Variants in ITK observed in about 807,000 individuals in gnomAD.
ITK encodes tyrosine-protein kinase ITK/TSK.
In ITK, 45 loss-of-function variants were observed where a neutral mutation model predicts 87.6. The observed-to-expected ratio is 0.51, with a 90% CI of 0.40 to 0.66. The LOEUF (loss-of-function observed/expected upper bound fraction) is 0.66. ITK is among the 30% of genes least tolerant of loss of function. ITK has a pLI of 0.00. For synonymous variants in ITK, 303 were observed against 273.6 expected, an observed-to-expected ratio of 1.11 and a Z score of -1.06; for missense variants, 605 against 766.3, an observed-to-expected ratio of 0.79 and a Z score of 2.48.
chr5:157,193,611 A>T (rs1216033996), intron 1 of ITK, among the ~76,000 whole-genome samples: 1 of 152,198 alleles, frequency 6.6e-6, no homozygotes, highest in Non-Finnish European at 1.5e-5. Context: ...GTTTATAGAA[A>T]CTAAGTATCT....
At chr5:157,243,911 G>T in intron 12 of ITK, 117 bp downstream of exon 12, 1 of 907,686 alleles carries the variant, frequency 1.1e-6, no homozygotes, top group Non-Finnish European at 1.8e-6. Flanking sequence ...CCCAGCAGTG[G>T]CTTCCTATTG....
Position 157,245,705 on chromosome 5 carries a change from G to A in ITK, c.1450-21G>A, listed in dbSNP as rs759508920. 2.5e-6 allele frequency: 4 copies of A among 1,611,032 alleles called. No individual in the cohort carries two copies. The South Asian group carries it at 4.4e-5, about 18-fold the overall frequency. On this transcript the variant is annotated intron_variant, in intron 13 of 16. Coordinates refer to ENST00000422843, the MANE Select transcript of ITK (RefSeq NM_005546.4). ...ATCAACAGTTTTCCTCTCCGCCTTT[G>A]TTTGCCTGTCTCCTCTCCAGGCTGC...
intron 1 of ITK, among the ~76,000 whole-genome samples, chr5:157,206,253 C>G (rs1278557225): frequency 1.3e-5 from 2 of 152,142 alleles, no homozygotes; most frequent in African/African-American, 2.4e-5. Context: ...CCACGCCTGG[C>G]TGGATTAGCT....
At chr5:157,245,698 C>T (rs757925629) in intron 13 of ITK, 28 bp from the exon 14 acceptor site, 29 of 1,601,574 alleles carry the variant, frequency 1.8e-5, no homozygotes, top group Middle Eastern at 1.7e-4. Context: ...TTTTCCTCTC[C>T]GCCTTTGTTT....
chr5:157,201,995 C>T (rs1297549798), intron 1 of ITK, among the ~76,000 whole-genome samples: 3 of 152,164 alleles, frequency 2.0e-5, no homozygotes, highest in African/African-American at 4.8e-5. Flanking sequence ...CCTCCACCCT[C>T]GAGTAGGTGC....
rs1469119586 is a variant in ITK, at chr5:157,186,681, A to AG, written c.138+5566_138+5567insG. ...ACAAGAGTGAAACTCCGTCTCAAAAAAAGAGAGAGAGAGAGAGAGAGAGAG... is the reference window on the plus strand; with the variant it reads ...ACAAGAGTGAAACTCCGTCTCAAAAAGAAGAGAGAGAGAGAGAGAGAGAGAG... On this transcript the variant is annotated intron_variant, in intron 1 of 16. Coordinates refer to ENST00000422843, the MANE Select transcript of ITK (RefSeq NM_005546.4). Among the ~76,000 whole-genome samples, 502 of 107,962 alleles carry AG rather than the reference A, an allele frequency of 4.6e-3. 5 individuals carry two copies. The highest frequency in any genetic ancestry group is 0.017 in the African/African-American group (473 of 27,960). The allele number at this position is 107,962 out of a possible 152,430, so 70.8% of individuals were successfully genotyped here.
intron 1 of ITK, among the ~76,000 whole-genome samples, chr5:157,187,203 G>A (rs2113736685): frequency 6.6e-6 from 1 of 152,336 alleles, no homozygotes; most frequent in East Asian, 1.9e-4. Flanking sequence ...ACATGCTGAA[G>A]TTGTAACTAC....
At chr5:157,244,108 T>C (rs1754970846) in intron 12 of ITK, 154 bp from the exon 13 acceptor site, 3 of 751,916 alleles carry the variant, frequency 4.0e-6, no homozygotes, top group Middle Eastern at 3.5e-4. Flanking sequence ...TCAGCTCCAA[T>C]GACATGTTTT....
intron 6 of ITK, among the ~76,000 whole-genome samples, chr5:157,224,043 G>A (rs945738746): frequency 6.6e-6 from 1 of 152,082 alleles, no homozygotes; most frequent in Non-Finnish European, 1.5e-5. Flanking sequence ...CAGCAGTTTG[G>A]GAGGCCAAGG....
rs188066456 is a variant in ITK at position 157,193,017 on chromosome 5, A to G, written c.138+11902A>G. 1.1e-3 allele frequency among the ~76,000 whole-genome samples: 173 copies of G among 152,258 alleles called. 1 individual carries two copies. Among genetic ancestry groups the G allele is most frequent in the African/African-American group, 4.0e-3 (167 of 41,542 alleles). On this transcript the variant is annotated intron_variant, in intron 1 of 16. Coordinates refer to ENST00000422843, the MANE Select transcript of ITK (RefSeq NM_005546.4). ...GATCTCTTGACGGCACGAGTTTGAGACCAGCCTGGGTAACATAGTGAGATC... is the reference window on the plus strand; with the variant it reads ...GATCTCTTGACGGCACGAGTTTGAGGCCAGCCTGGGTAACATAGTGAGATC...
chr5:157,235,718 T>C (rs1300427647), intron 8 of ITK, among the ~76,000 whole-genome samples: 1 of 152,238 alleles, frequency 6.6e-6, no homozygotes, highest in Non-Finnish European at 1.5e-5. Flanking sequence ...AGAGACACTC[T>C]TAAAGTATAA....
chr5:157,239,992 A>C, intron 9 of ITK, 70 bp from the exon 10 acceptor site: 1 of 1,454,566 alleles, frequency 6.9e-7, no homozygotes, highest in Non-Finnish European at 9.6e-7. Flanking sequence ...AGAACTTAAT[A>C]CTCGTAGACT....
intron 1 of ITK, among the ~76,000 whole-genome samples, chr5:157,207,969 G>A (rs1398122675): frequency 6.6e-6 from 1 of 152,132 alleles, no homozygotes; most frequent in Non-Finnish European, 1.5e-5. Flanking sequence ...ATTCAGAATC[G>A]TGTCTTTTGG....
intron 1 of ITK, among the ~76,000 whole-genome samples, chr5:157,188,980 A>C (rs1158728838): frequency 6.6e-6 from 1 of 152,140 alleles, no homozygotes; most frequent in Non-Finnish European, 1.5e-5. Flanking sequence ...GGCACTGGTT[A>C]GTTGTAGTAG....
chr5:157,182,447 G>A (rs1753553574), intron 1 of ITK, among the ~76,000 whole-genome samples: 1 of 152,092 alleles, frequency 6.6e-6, no homozygotes, highest in Non-Finnish European at 1.5e-5. Flanking sequence ...AAACAAAAAA[G>A]TTGCAGGCGA....
At chr5:157,232,813 G>T (rs1469978975) in intron 8 of ITK, among the ~76,000 whole-genome samples, 2 of 152,180 alleles carry the variant, frequency 1.3e-5, no homozygotes, top group Non-Finnish European at 2.9e-5. Flanking sequence ...CATCATCACC[G>T]CTGCAGCAGT....
intron 4 of ITK, among the ~76,000 whole-genome samples, chr5:157,216,883 G>C (rs1434775278): frequency 6.6e-6 from 1 of 152,018 alleles, no homozygotes; most frequent in Non-Finnish European, 1.5e-5. Context: ...AGTCTGCACG[G>C]GACTGGGCTC....
At chr5:157,240,024 T>C in intron 9 of ITK, 38 bp from the exon 10 acceptor site, 1 of 1,601,860 alleles carries the variant, frequency 6.2e-7, no homozygotes, top group Non-Finnish European at 8.5e-7. Flanking sequence ...CAACATTGCT[T>C]CTTAATAATC....
At chr5:157,205,472 T>C (rs114207820) in intron 1 of ITK, among the ~76,000 whole-genome samples, 1 of 152,198 alleles carries the variant, frequency 6.6e-6, no homozygotes, top group African/African-American at 2.4e-5. Context: ...TTTTAAAAAC[T>C]TTTTTAAAAG....
Sources: gnomAD v4.1 joint callset for allele counts (sites outside exome capture counted in the v4.1 genomes callset) on GRCh38, gnomAD v4.1.1 for gene constraint, MANE v1.5 for transcripts, NCBI Gene and HGNC (gene_info 2026-07-23, HGNC 2026-07-21) for gene names.